ATP2B1: variants seen among roughly 807,000 people sequenced by gnomAD.
ATP2B1 encodes plasma membrane calcium-transporting ATPase 1.
In ATP2B1, 14 loss-of-function variants were observed where a neutral mutation model predicts 124.2. The ratio of observed to expected loss-of-function variants is 0.11; its 90% CI spans 0.07 to 0.18. ATP2B1 has a LOEUF of 0.18. Ranked by LOEUF, ATP2B1 falls within the 10% of genes least tolerant of loss-of-function variation. ATP2B1 has a pLI of 1.00. For missense variants in ATP2B1, 763 were observed against 1,466.1 expected, an observed-to-expected ratio of 0.52 and a Z score of 7.83; for synonymous variants, 449 against 492.4, an observed-to-expected ratio of 0.91 and a Z score of 1.17.
intron 5 of ATP2B1, among the ~76,000 whole-genome samples, chr12:89,634,482 G>T (rs1882374441): frequency 6.6e-6 from 1 of 152,094 alleles, no homozygotes; most frequent in Non-Finnish European, 1.5e-5. Context: ...CAACTCAAGA[G>T]ATATCATTAG....
intron 1 of ATP2B1, among the ~76,000 whole-genome samples, chr12:89,678,552 A>G (rs569044240): frequency 6.6e-6 from 1 of 152,268 alleles, no homozygotes; most frequent in South Asian, 2.1e-4. Flanking sequence ...ACAGAGTAAG[A>G]TTTCACACAC....
intron 8 of ATP2B1, among the ~76,000 whole-genome samples, chr12:89,625,636 G>GT (rs1304949097): frequency 6.7e-6 from 1 of 149,960 alleles, no homozygotes; most frequent in Non-Finnish European, 1.5e-5. Flanking sequence ...AAAAAAAGGT[G>GT]TAAGTCCACA....
chr12:89,638,549 C>T (rs1055223930), intron 3 of ATP2B1, among the ~76,000 whole-genome samples: 23 of 152,088 alleles, frequency 1.5e-4, no homozygotes, highest in East Asian at 1.2e-3. Context: ...ACAGGAGAAC[C>T]GAGCTATCTT....
intron 20 of ATP2B1, among the ~76,000 whole-genome samples, chr12:89,592,533 A>G (rs1052155006): frequency 2.6e-5 from 4 of 152,042 alleles, no homozygotes; most frequent in South Asian, 2.1e-4. Flanking sequence ...TTATTTGCCA[A>G]GCCCTATTTG....
chr12:89,680,045 T>C (rs1232439747), intron 1 of ATP2B1, among the ~76,000 whole-genome samples: 1 of 152,142 alleles, frequency 6.6e-6, no homozygotes, highest in Non-Finnish European at 1.5e-5. Flanking sequence ...ATTAAAAAGA[T>C]GTACTTCACT....
chr12:89,704,418 C>G (rs548400853), intron 1 of ATP2B1, among the ~76,000 whole-genome samples: 2 of 151,970 alleles, frequency 1.3e-5, no homozygotes, highest in Admixed American at 6.5e-5. Flanking sequence ...CCAAACAAAC[C>G]CATTCATATT....
chr12:89,672,896 C>G (rs1200368665), intron 1 of ATP2B1, among the ~76,000 whole-genome samples: 1 of 152,220 alleles, frequency 6.6e-6, no homozygotes, highest in African/African-American at 2.4e-5. Flanking sequence ...CTGAAAGACC[C>G]ACATGCAATT....
In ATP2B1 at chr12:89,624,242, C is replaced by G; in HGVS notation, c.1285G>C (p.Val429Leu). The G allele has an allele frequency of 6.2e-7, 1 of 1,614,140 alleles. No individual in the cohort carries two copies. The highest frequency in any genetic ancestry group is 8.5e-7 in the Non-Finnish European group (1 of 1,180,028). Reference sequence around the variant, plus strand: ...AGTGGAAGACCTTCTGGCACTGCGACCACTAAAACTGTAACTCCAATAATG... The same window carrying G: ...AGTGGAAGACCTTCTGGCACTGCGAGCACTAAAACTGTAACTCCAATAATG... ...FFIIGVTVLV[V>L]AVPEGLPLAV... is the part of the protein sequence containing the mutation. The change falls in exon 9 of 21, where the codon GTC (valine) becomes CTC (leucine). Residue 429 changes from valine to leucine, a missense_variant. This residue lies in a region of ATP2B1 where 392 missense variants were observed against 776.6 expected (regional missense o/e 0.50). Coordinates refer to ENST00000428670, the MANE Select transcript of ATP2B1 (RefSeq NM_001366521.1).
chr12:89,612,126 C>T (rs1378245120), intron 12 of ATP2B1: 1 of 152,144 alleles, frequency 6.6e-6, no homozygotes, highest in Non-Finnish European at 1.5e-5. Context: ...ATAAGGTACC[C>T]TGCCTTTAAG....
chr12:89,643,061 T>TACACACACACACAC (rs1277023013), intron 2 of ATP2B1, among the ~76,000 whole-genome samples: 2 of 98,712 alleles, frequency 2.0e-5, no homozygotes, highest in Admixed American at 1.9e-4. Flanking sequence ...TATATAAAGA[T>TACACACACACACAC]ACATACACAC....
At chr12:89,640,704 G>A (rs1253057147) in intron 3 of ATP2B1, among the ~76,000 whole-genome samples, 1 of 152,116 alleles carries the variant, frequency 6.6e-6, no homozygotes, top group Non-Finnish European at 1.5e-5. Context: ...TTTGGATCAT[G>A]GGGGTGGAAC....
intron 12 of ATP2B1, among the ~76,000 whole-genome samples, chr12:89,614,497 G>C (rs2136031158): frequency 6.6e-6 from 1 of 152,264 alleles, no homozygotes; most frequent in East Asian, 1.9e-4. Context: ...TGCTGTTTCT[G>C]GTTCTCTTAT....
At chr12:89,650,463 T>C (rs1565871621) in intron 2 of ATP2B1, among the ~76,000 whole-genome samples, 1 of 152,130 alleles carries the variant, frequency 6.6e-6, no homozygotes. Flanking sequence ...AAAGAGCTCA[T>C]AGTTTGGTGG....
intron 2 of ATP2B1, among the ~76,000 whole-genome samples, chr12:89,643,240 GTATA>G (rs1163894412): frequency 6.7e-6 from 1 of 150,164 alleles, no homozygotes; most frequent in Non-Finnish European, 1.5e-5. Context: ...GTATATATAT[GTATA>G]TATACACACA....
rs191548804 is a variant in ATP2B1, at chr12:89,698,213, G to A, written c.-222+10383C>T. On this transcript the variant is annotated intron_variant, in intron 1 of 20. Transcript: ENST00000428670. ...AGAACATATAAAGAAATTACAACTC[G>A]ATAATAGGAAGAGACTGTATGTTAC... 4.6e-5 allele frequency among the ~76,000 whole-genome samples: 7 copies of A among 152,152 alleles called. No individual in the cohort carries two copies. The East Asian group carries it at 1.2e-3, about 25-fold the overall frequency.
At chr12:89,678,312 G>C (rs1888925698) in intron 1 of ATP2B1, among the ~76,000 whole-genome samples, 1 of 152,036 alleles carries the variant, frequency 6.6e-6, no homozygotes, top group Non-Finnish European at 1.5e-5. Flanking sequence ...GTGGCCATTT[G>C]GCCTCCGTTT....
At chr12:89,703,031 CTAAA>C (rs1228310888) in intron 1 of ATP2B1, among the ~76,000 whole-genome samples, 1 of 152,066 alleles carries the variant, frequency 6.6e-6, no homozygotes, top group African/African-American at 2.4e-5. Flanking sequence ...GCTATGATTC[CTAAA>C]TAAACCTTAA....
At chr12:89,682,021 A>G (rs1889414617) in intron 1 of ATP2B1, among the ~76,000 whole-genome samples, 1 of 152,174 alleles carries the variant, frequency 6.6e-6, no homozygotes, top group Non-Finnish European at 1.5e-5. Flanking sequence ...GAGCCAATGA[A>G]AATTAATTCA....
At chr12:89,658,601 GA>G in intron 1 of ATP2B1, among the ~76,000 whole-genome samples, 8 of 72,434 alleles carry the variant, frequency 1.1e-4, no homozygotes, top group Admixed American at 1.2e-4. Context: ...TCAAACAGGA[GA>G]GAGAGAGAGA....
Sources: allele counts gnomAD v4.1 joint callset (sites outside exome capture counted in the v4.1 genomes callset), GRCh38; gene constraint gnomAD v4.1.1; regional missense constraint gnomAD v4.1.1; transcripts MANE v1.5; gene names NCBI Gene and HGNC (gene_info 2026-07-23, HGNC 2026-07-21).